The following SMAD2 variants were observed in gnomAD, a reference collection of about 807,000 sequenced individuals.
SMAD2 encodes SMAD family member 2.
Under a neutral mutation model 64.4 loss-of-function variants are expected in SMAD2, and 8 were observed. The observed-to-expected ratio is 0.12, with a 90% confidence interval of 0.07 to 0.22. The LOEUF is 0.22. Among genes scored for constraint, SMAD2 ranks in the 10% least tolerant of loss-of-function variants. The probability of loss-of-function intolerance (pLI) is 1.00; values close to 1 mark genes in which losing one functional copy is unlikely to be tolerated. For synonymous variants in SMAD2, 203 were observed against 195.8 expected (o/e 1.04, Z -0.31); for missense variants, 289 against 561.2 (o/e 0.51, Z 4.90).
chr18:47,872,866 T>C (rs1439706052), intron 2 of SMAD2, among the ~76,000 whole-genome samples: 1 of 152,130 alleles, frequency 6.6e-6, no homozygotes, highest in Admixed American at 6.6e-5. Context: ...GAACAGCCGA[T>C]TTAAAGTATG....
chr18:47,854,447 CACT>C (rs1246927161), intron 6 of SMAD2, among the ~76,000 whole-genome samples: 2 of 152,208 alleles, frequency 1.3e-5, no homozygotes, highest in Non-Finnish European at 1.5e-5. Flanking sequence ...CACACCGTGT[CACT>C]ACATGTTGAC....
rs1418476851 is a variant in SMAD2 at position 47,813,236 on chromosome 18, A to G, written c.*28591T>C. The G allele has an allele frequency of 6.6e-6, 1 of 152,020 alleles. No individual in the cohort carries two copies. The highest frequency in any genetic ancestry group is 2.4e-5 in the African/African-American group (1 of 41,374). 9.4% of individuals were successfully genotyped at this position (152,020 alleles called of 1,614,324 possible). On this transcript the variant is annotated 3_prime_UTR_variant, in exon 11 of 11. Coordinates refer to ENST00000262160, the MANE Select transcript of SMAD2 (RefSeq NM_005901.6). ...AAAAATAACTAAATAACTAAATAAA[A>G]TAAACTGGGTCCTTATTTTTAGAAA... is the stretch of plus-strand genomic sequence containing the variant.
intron 8 of SMAD2, among the ~76,000 whole-genome samples, chr18:47,848,053 AT>A (rs1490443428): frequency 6.6e-6 from 1 of 152,160 alleles, no homozygotes; most frequent in Non-Finnish European, 1.5e-5. Flanking sequence ...AGCAGATTTC[AT>A]TTAATATATA....
At chr18:47,872,093 T>C (rs2031969262) in intron 2 of SMAD2, among the ~76,000 whole-genome samples, 1 of 152,162 alleles carries the variant, frequency 6.6e-6, no homozygotes, top group Admixed American at 6.5e-5. Context: ...AAACAGTAAT[T>C]GTTAAGAACT....
At chr18:47,867,651 G>T (rs1034728980) in intron 5 of SMAD2, among the ~76,000 whole-genome samples, 1 of 143,806 alleles carries the variant, frequency 7.0e-6, no homozygotes, top group Non-Finnish European at 1.5e-5. Context: ...AGTATTAGTT[G>T]TTCTCCAAAA....
chr18:47,861,533 A>G (rs1281881276), intron 6 of SMAD2, among the ~76,000 whole-genome samples: 2 of 152,232 alleles, frequency 1.3e-5, no homozygotes, highest in African/African-American at 4.8e-5. Context: ...TAACAGCACT[A>G]AAAGTATAAA....
At chr18:47,869,751 C>A (rs1009850650) in intron 3 of SMAD2, among the ~76,000 whole-genome samples, 1 of 152,082 alleles carries the variant, frequency 6.6e-6, no homozygotes, top group African/African-American at 2.4e-5. Context: ...ACTTTGTCAA[C>A]TTCTATGTTT....
Position 47,834,715 on chromosome 18 carries a change from C to T in SMAD2, c.*7112G>A, listed in dbSNP as rs146438414. Reference sequence around the variant, plus strand: ...TTAGTGAGCAGTGTATAAAAGCTCACTCTTGAAATCTGTTTTCAGACAAAT... The same window carrying T: ...TTAGTGAGCAGTGTATAAAAGCTCATTCTTGAAATCTGTTTTCAGACAAAT... On this transcript the variant is annotated 3_prime_UTR_variant, in exon 11 of 11. Coordinates refer to ENST00000262160, the MANE Select transcript of SMAD2 (RefSeq NM_005901.6). The T allele has an allele frequency of 3.1e-4, 69 of 220,808 alleles. No individual in the cohort carries two copies. The highest frequency in any genetic ancestry group is 1.5e-3 in the African/African-American group (65 of 44,734). The allele number at this position is 220,808 out of a possible 1,614,324, so 13.7% of individuals were successfully genotyped here. A position where few individuals can be genotyped will look rare whatever the true frequency, so the allele number is the denominator to read the frequency against.
At chr18:47,842,752 A>C (rs941302772) in intron 10 of SMAD2, among the ~76,000 whole-genome samples, 3 of 152,206 alleles carry the variant, frequency 2.0e-5, no homozygotes, top group Non-Finnish European at 4.4e-5. Context: ...AAAAGCTGGA[A>C]TTCAACTTTC....
rs1415629055 is a variant in SMAD2, at chr18:47,834,824, TTTTC to T, written c.*6999_*7002del. On this transcript the variant is annotated 3_prime_UTR_variant, in exon 11 of 11. Transcript: ENST00000262160. ...TGCAATTAATCCAGTTTTGTATGTC[TTTTC>T]TTTCTTTTTTAGGTGAAAATATTCT... The T allele has an allele frequency of 1.8e-5, 4 of 218,074 alleles. No individual in the cohort carries two copies. The highest frequency in any genetic ancestry group is 4.5e-5 in the African/African-American group (2 of 44,452). 13.5% of individuals were successfully genotyped at this position (218,074 alleles called of 1,614,324 possible). A position where few individuals can be genotyped will look rare whatever the true frequency, so the allele number is the denominator to read the frequency against.
At chr18:47,890,812 G>T (rs1310778130) in intron 2 of SMAD2, among the ~76,000 whole-genome samples, 1 of 152,172 alleles carries the variant, frequency 6.6e-6, no homozygotes, top group South Asian at 2.1e-4. Flanking sequence ...ATCCTATTAT[G>T]AAAAAGCAGT....
upstream of SMAD2, chr18:47,930,734 C>A (rs1436235671): frequency 6.8e-6 from 1 of 147,718 alleles, no homozygotes; most frequent in Non-Finnish European, 1.5e-5. Flanking sequence ...CGCCCTCCCC[C>A]GCCAGCCCAC....
intron 1 of SMAD2, among the ~76,000 whole-genome samples, chr18:47,921,061 G>A (rs1332844587): frequency 6.6e-6 from 1 of 152,198 alleles, no homozygotes; most frequent in African/African-American, 2.4e-5. Flanking sequence ...GGTAGCTGAG[G>A]TGGGAGATTA....
intron 1 of SMAD2, among the ~76,000 whole-genome samples, chr18:47,927,534 T>G (rs1321154296): frequency 1.3e-5 from 2 of 152,256 alleles, no homozygotes; most frequent in African/African-American, 4.8e-5. Flanking sequence ...TAAGAGACTT[T>G]ATTGCCTAGT....
Position 47,839,565 on chromosome 18 carries a change from G to A in SMAD2, c.*2262C>T. 1 of 233,298 alleles carries A rather than the reference G, an allele frequency of 4.3e-6. No individual in the cohort carries two copies. Among genetic ancestry groups the A allele is most frequent in the East Asian group, 6.0e-5 (1 of 16,686 alleles). 14.5% of individuals were successfully genotyped at this position (233,298 alleles called of 1,614,324 possible). A position where few individuals can be genotyped will look rare whatever the true frequency, so the allele number is the denominator to read the frequency against. On this transcript the variant is annotated 3_prime_UTR_variant, in exon 11 of 11. Transcript: ENST00000262160. Reference sequence around the variant, plus strand: ...AAAGCTTGTTAAATTAAGTAGTACTGATGTGGTGCAAATGAAATTTTTACA... The same window carrying A: ...AAAGCTTGTTAAATTAAGTAGTACTAATGTGGTGCAAATGAAATTTTTACA...
chr18:47,908,200 C>A (rs2144507359), intron 1 of SMAD2, among the ~76,000 whole-genome samples: 1 of 152,252 alleles, frequency 6.6e-6, no homozygotes, highest in Non-Finnish European at 1.5e-5. Flanking sequence ...TCTGCAAGTA[C>A]ATGTAGGCAA....
At position 47,813,006 on chromosome 18, in the gene SMAD2, A is replaced by C. The variant is rs1912252116; in HGVS notation, c.*28821T>G. Reference sequence around the variant, plus strand: ...CAAGGCAGGTGGATCACCTGAGGTCAGGAGTTTGAGACCAGCCTGGCCAAC... The same window carrying C: ...CAAGGCAGGTGGATCACCTGAGGTCCGGAGTTTGAGACCAGCCTGGCCAAC... On this transcript the variant is annotated 3_prime_UTR_variant, in exon 11 of 11. Coordinates refer to ENST00000262160, the MANE Select transcript of SMAD2 (RefSeq NM_005901.6). 6.6e-6 allele frequency: 1 copy of C among 152,206 alleles called. No homozygotes were observed. Among genetic ancestry groups the C allele is most frequent in the African/African-American group, 2.4e-5 (1 of 41,458 alleles). The allele number at this position is 152,206 out of a possible 1,614,324, so 9.4% of individuals were successfully genotyped here.
In SMAD2 at chr18:47,816,841, CA is replaced by C. The variant is rs1912389952; in HGVS notation, c.*24985del. On this transcript the variant is annotated 3_prime_UTR_variant, in exon 11 of 11. Coordinates refer to ENST00000262160, the MANE Select transcript of SMAD2 (RefSeq NM_005901.6). The stretch of plus-strand genomic sequence containing the variant: ...TGCAGTGGCACATCTAGGCTCACTG[CA>C]ACCTCCACTTCTCAGGTTCAAGCCA... 6.7e-6 allele frequency: 1 copy of C among 149,904 alleles called. No individual in the cohort carries two copies. The allele number at this position is 149,904 out of a possible 1,614,324, so 9.3% of individuals were successfully genotyped here. A position where few individuals can be genotyped will look rare whatever the true frequency, so the allele number is the denominator to read the frequency against.
rs1913811949 is a variant in SMAD2, at chr18:47,840,220, G to A, written c.*1607C>T. On this transcript the variant is annotated 3_prime_UTR_variant, in exon 11 of 11. Coordinates refer to ENST00000262160, the MANE Select transcript of SMAD2 (RefSeq NM_005901.6). ...GAAAATGATACCTATAGAGACAGGT[G>A]GATATGATTTCAAAGAACAAGTACC... The A allele has an allele frequency of 4.3e-6, 1 of 232,918 alleles. No individual in the cohort carries two copies. The highest frequency in any genetic ancestry group is 8.5e-6 in the Non-Finnish European group (1 of 117,902). The allele number at this position is 232,918 out of a possible 1,614,324, so 14.4% of individuals were successfully genotyped here.
Sources: gnomAD v4.1 joint callset for allele counts (sites outside exome capture counted in the v4.1 genomes callset) on GRCh38, gnomAD v4.1.1 for gene constraint, MANE v1.5 for transcripts, NCBI Gene and HGNC (gene_info 2026-07-23, HGNC 2026-07-21) for gene names.